Variants in PDE3A observed in about 807,000 individuals in gnomAD.
PDE3A encodes the protein phosphodiesterase 3A, also known as cGMP-inhibited 3',5'-cyclic phosphodiesterase 3A.
Under a neutral mutation model 98.3 loss-of-function variants are expected in PDE3A, and 43 were observed. The observed-to-expected ratio is 0.44, with a 90% CI of 0.34 to 0.56. The LOEUF is 0.56. Ranked by LOEUF, PDE3A falls within the 20% of genes least tolerant of loss-of-function variation. PDE3A has a pLI of 0.01. For synonymous variants in PDE3A, 663 were observed against 567.9 expected, an observed-to-expected ratio of 1.17 and a Z score of -2.38; for missense variants, 1,427 against 1,440.7, an observed-to-expected ratio of 0.99 and a Z score of 0.15.
rs34671800 is a variant in PDE3A at position 20,487,501 on chromosome 12, T to TA, written c.961-69131dup. ...CAACATGGTGAAACCCTGTCTCTAC[T>TA]AAAAAAAAAAAAAAAAAAAAAAAAA... On this transcript the variant is annotated intron_variant, in intron 1 of 15. Coordinates refer to ENST00000359062, the MANE Select transcript of PDE3A (RefSeq NM_000921.5). Among the ~76,000 whole-genome samples, 402 of 61,994 alleles carry TA rather than the reference T, an allele frequency of 6.5e-3. 9 individuals carry two copies. Among genetic ancestry groups the TA allele is most frequent in the African/African-American group, 0.012 (193 of 15,524 alleles). 40.7% of individuals were successfully genotyped at this position (61,994 alleles called of 152,430 possible).
rs1942252861 is a variant in PDE3A, at chr12:20,552,841, G to A, written c.961-3819G>A. 2.5e-6 allele frequency: 4 copies of A among 1,613,836 alleles called. No individual in the cohort carries two copies. Among genetic ancestry groups the A allele is most frequent in the African/African-American group, 1.3e-5 (1 of 75,046 alleles). ...GCTGGTGTTCCGGCCCATCACGACCGTGTGCCAGCACAACGTGTGCAAGGA... is the reference window on the plus strand; with the variant it reads ...GCTGGTGTTCCGGCCCATCACGACCATGTGCCAGCACAACGTGTGCAAGGA... On this transcript the variant is annotated intron_variant, in intron 1 of 15. Transcript: ENST00000359062. The surrounding 1 kb of genome is among the most constrained non-coding windows in gnomAD (Gnocchi z 5.1).
chr12:20,520,839 G>C (rs975178908), intron 1 of PDE3A, among the ~76,000 whole-genome samples: 1 of 152,166 alleles, frequency 6.6e-6, no homozygotes, highest in African/African-American at 2.4e-5. Flanking sequence ...CATCTGTTTA[G>C]TGCAGTGAGT....
chr12:20,645,172 A>G (rs1398396531), intron 10 of PDE3A, among the ~76,000 whole-genome samples: 1 of 152,096 alleles, frequency 6.6e-6, no homozygotes, highest in Non-Finnish European at 1.5e-5. Flanking sequence ...TACAGGCATG[A>G]GCCACTGCAC....
At chr12:20,551,756 G>T (rs371941877) in intron 1 of PDE3A, 1 of 1,612,628 alleles carries the variant, frequency 6.2e-7, no homozygotes, top group Middle Eastern at 1.7e-4. Flanking sequence ...GCGGGAGAGC[G>T]GCTGAGAGAG....
At position 20,470,887 on chromosome 12, in the gene PDE3A, T is replaced by C. The variant is rs141146894; in HGVS notation, c.961-85773T>C. Among the ~76,000 whole-genome samples, 8 of 149,064 alleles carry C rather than the reference T, an allele frequency of 5.4e-5. No individual in the cohort carries two copies. The East Asian group carries it at 1.2e-3, about 23-fold the overall frequency. On this transcript the variant is annotated intron_variant, in intron 1 of 15. Coordinates refer to ENST00000359062, the MANE Select transcript of PDE3A (RefSeq NM_000921.5). ...ATGAGGTCGAGAGAGTGGGCCCTCG[T>C]AATGGGATTAGTGTGTTTATAAGAA... is the stretch of plus-strand genomic sequence containing the variant.
At chr12:20,429,928 A>G (rs118021829) in intron 1 of PDE3A, among the ~76,000 whole-genome samples, 1,806 of 151,956 alleles carry the variant, frequency 0.012, 21 homozygotes, top group Middle Eastern at 0.082. Context: ...ATTTTGCCAC[A>G]CGGTTGTAGG....
At chr12:20,415,727 A>G (rs957132805) in intron 1 of PDE3A, among the ~76,000 whole-genome samples, 3 of 152,206 alleles carry the variant, frequency 2.0e-5, no homozygotes, top group African/African-American at 4.8e-5. Flanking sequence ...GTGAGCCACC[A>G]TGCCCGGCTG....
chr12:20,466,083 G>T (rs1259184485), intron 1 of PDE3A, among the ~76,000 whole-genome samples: 10 of 152,078 alleles, frequency 6.6e-5, no homozygotes, highest in Admixed American at 1.3e-4. Context: ...CTCTTGAAAA[G>T]CATGTTCCCT....
intron 2 of PDE3A, among the ~76,000 whole-genome samples, chr12:20,598,427 G>T (rs1943516207): frequency 6.6e-6 from 1 of 152,020 alleles, no homozygotes; most frequent in South Asian, 2.1e-4. Context: ...CAAGTAATCT[G>T]CCTGGTCTCC....
chr12:20,652,104 T>C (rs968319160), intron 14 of PDE3A, among the ~76,000 whole-genome samples: 6 of 152,288 alleles, frequency 3.9e-5, no homozygotes, highest in African/African-American at 1.4e-4. Context: ...GAACTCATCC[T>C]TTTTTATGGC....
chr12:20,660,123 G>A (rs1359620850), intron 15 of PDE3A, among the ~76,000 whole-genome samples: 2 of 152,142 alleles, frequency 1.3e-5, no homozygotes, highest in Non-Finnish European at 2.9e-5. Flanking sequence ...GACAGTGAGT[G>A]ACTTGTCACA....
intron 1 of PDE3A, among the ~76,000 whole-genome samples, chr12:20,539,851 T>C (rs1260407273): frequency 6.6e-6 from 1 of 152,140 alleles, no homozygotes; most frequent in Non-Finnish European, 1.5e-5. Flanking sequence ...AGGTGTTACA[T>C]TGATTATCTC....
Position 20,646,744 on chromosome 12 carries a change from T to A in PDE3A, c.2366-7T>A, listed in dbSNP as rs746228346. The A allele has an allele frequency of 2.6e-5, 42 of 1,586,740 alleles. No individual in the cohort carries two copies. Among genetic ancestry groups the A allele is most frequent in the Non-Finnish European group, 3.5e-5 (40 of 1,155,512 alleles). ...AAACTTCTTTGACTCTCATTTTCTC[T>A]TCTCAGATTCTGACAGTGGATTTAC... On this transcript the variant is annotated splice_polypyrimidine_tract_variant and splice_region_variant and intron_variant, in intron 11 of 15. Coordinates refer to ENST00000359062, the MANE Select transcript of PDE3A (RefSeq NM_000921.5).
intron 1 of PDE3A, among the ~76,000 whole-genome samples, chr12:20,450,804 C>T (rs2120885356): frequency 6.6e-6 from 1 of 152,282 alleles, no homozygotes; most frequent in Middle Eastern, 3.4e-3. Flanking sequence ...AGATGCATGT[C>T]AGAATGTTGA....
chr12:20,584,049 G>T (rs1231858307), intron 2 of PDE3A, among the ~76,000 whole-genome samples: 4 of 152,126 alleles, frequency 2.6e-5, no homozygotes, highest in African/African-American at 9.7e-5. Context: ...CTGTGTGAAA[G>T]GTGAATTCCT....
At chr12:20,434,870 A>G (rs1293110091) in intron 1 of PDE3A, among the ~76,000 whole-genome samples, 1 of 152,218 alleles carries the variant, frequency 6.6e-6, no homozygotes, top group Non-Finnish European at 1.5e-5. Context: ...TAGTTTGGGA[A>G]GAGCAAAATG....
At chr12:20,569,171 G>T (rs1431952013) in intron 2 of PDE3A, among the ~76,000 whole-genome samples, 1 of 151,780 alleles carries the variant, frequency 6.6e-6, no homozygotes, top group African/African-American at 2.4e-5. Context: ...GCTAACTTTG[G>T]TAACCACATT....
Position 20,369,275 on chromosome 12 carries a change from A to C in PDE3A, c.-10A>C. 6.7e-7 allele frequency: 1 copy of C among 1,487,288 alleles called. No homozygotes were observed. The highest frequency in any genetic ancestry group is 9.0e-7 in the Non-Finnish European group (1 of 1,113,776). 92.1% of individuals were successfully genotyped at this position (1,487,288 alleles called of 1,614,324 possible). On this transcript the variant is annotated 5_prime_UTR_variant, in exon 1 of 16. Coordinates refer to ENST00000359062, the MANE Select transcript of PDE3A (RefSeq NM_000921.5). ...CCACTGGGAATTCAGTGAAGAGGGCACCCTATACCATGGCAGTGCCCGGCG... is the reference window on the plus strand; with the variant it reads ...CCACTGGGAATTCAGTGAAGAGGGCCCCCTATACCATGGCAGTGCCCGGCG...
intron 2 of PDE3A, among the ~76,000 whole-genome samples, chr12:20,564,206 C>T (rs2121293358): frequency 6.6e-6 from 1 of 152,200 alleles, no homozygotes. Flanking sequence ...ACAACACCCT[C>T]AGTCCCCAAA....
Sources: gnomAD v4.1 joint callset for allele counts (sites outside exome capture counted in the v4.1 genomes callset) on GRCh38, gnomAD v4.1.1 for gene constraint, Gnocchi (gnomAD v3.1) non-coding constraint, MANE v1.5 for transcripts, NCBI Gene and HGNC (gene_info 2026-07-23, HGNC 2026-07-21) for gene names.